Variants in NWD2 observed in about 807,000 individuals in gnomAD.
NWD2 encodes the protein NACHT and WD repeat domain-containing protein 2.
In NWD2, 37 loss-of-function variants were observed where a neutral mutation model predicts 132.7. The observed-to-expected ratio is 0.28, with a 90% confidence interval of 0.21 to 0.37. The LOEUF (loss-of-function observed/expected upper bound fraction) is 0.37, where lower values mean the gene tolerates loss of function less well. NWD2 is among the 10% of genes least tolerant of loss of function. The probability of loss-of-function intolerance (pLI) is 1.00; values close to 1 mark genes in which losing one functional copy is unlikely to be tolerated. For missense variants in NWD2, 1,592 were observed against 2,122.4 expected, an observed-to-expected ratio of 0.75 and a Z score of 4.91; for synonymous variants, 705 against 803.0, an observed-to-expected ratio of 0.88 and a Z score of 2.06.
At chr4:37,274,179 G>T (rs529769408) in intron 1 of NWD2, among the ~76,000 whole-genome samples, 1 of 151,708 alleles carries the variant, frequency 6.6e-6, no homozygotes, top group Non-Finnish European at 1.5e-5. Context: ...TTGATAGACC[G>T]CTAGCAAGAC....
At chr4:37,426,199 TTG>T (rs1174964077) in intron 3 of NWD2, among the ~76,000 whole-genome samples, 2 of 152,212 alleles carry the variant, frequency 1.3e-5, no homozygotes, top group East Asian at 3.8e-4. Flanking sequence ...AAATTCACTT[TTG>T]CTGTTTCTCA....
At chr4:37,365,529 C>T (rs1448630531) in intron 3 of NWD2, among the ~76,000 whole-genome samples, 1 of 152,158 alleles carries the variant, frequency 6.6e-6, no homozygotes, top group Non-Finnish European at 1.5e-5. Context: ...GTATTTTGCT[C>T]ATATAGTCCA....
chr4:37,304,174 A>T (rs191701661), intron 1 of NWD2, among the ~76,000 whole-genome samples: 1 of 152,210 alleles, frequency 6.6e-6, no homozygotes, highest in Non-Finnish European at 1.5e-5. Flanking sequence ...CACTTCATAC[A>T]TGGCTGGAAA....
chr4:37,404,481 T>G (rs1560413826), intron 3 of NWD2, among the ~76,000 whole-genome samples: 1 of 152,156 alleles, frequency 6.6e-6, no homozygotes, highest in African/African-American at 2.4e-5. Context: ...CCATCCACAG[T>G]CAACCTTCTG....
At chr4:37,293,106 CT>C (rs1280881636) in intron 1 of NWD2, among the ~76,000 whole-genome samples, 3 of 152,206 alleles carry the variant, frequency 2.0e-5, no homozygotes, top group Non-Finnish European at 4.4e-5. Context: ...AATGTTACCA[CT>C]TTCTTTTTCA....
intron 1 of NWD2, among the ~76,000 whole-genome samples, chr4:37,301,447 A>C (rs1718610354): frequency 6.6e-6 from 1 of 151,882 alleles, no homozygotes; most frequent in Admixed American, 6.6e-5. Flanking sequence ...TTTTTCTGGA[A>C]TTCAAAAGAT....
chr4:37,388,130 G>A (rs1377396281), intron 3 of NWD2, among the ~76,000 whole-genome samples: 1 of 152,062 alleles, frequency 6.6e-6, no homozygotes, highest in Non-Finnish European at 1.5e-5. Flanking sequence ...CTTGCGATGA[G>A]GATTCACTTA....
intron 1 of NWD2, among the ~76,000 whole-genome samples, chr4:37,247,288 C>T (rs1267768638): frequency 2.0e-5 from 3 of 152,192 alleles, no homozygotes; most frequent in Non-Finnish European, 1.5e-5. Flanking sequence ...CAGCACTTGA[C>T]CGTGGGATCT....
At chr4:37,380,406 A>G (rs904149762) in intron 3 of NWD2, among the ~76,000 whole-genome samples, 2 of 152,220 alleles carry the variant, frequency 1.3e-5, no homozygotes, top group Non-Finnish European at 2.9e-5. Context: ...TATCTGTTCT[A>G]TCATATAATG....
chr4:37,259,273 G>C (rs538862431), intron 1 of NWD2, among the ~76,000 whole-genome samples: 2 of 152,272 alleles, frequency 1.3e-5, no homozygotes, highest in Admixed American at 6.5e-5. Flanking sequence ...CAATTCTGCT[G>C]AAGTAAACAT....
chr4:37,361,040 T>C (rs965105579), intron 3 of NWD2, among the ~76,000 whole-genome samples: 2 of 152,150 alleles, frequency 1.3e-5, no homozygotes, highest in African/African-American at 4.8e-5. Context: ...CCTCAGGGAC[T>C]ATTATGAACA....
chr4:37,357,198 C>T (rs745543231), intron 3 of NWD2, among the ~76,000 whole-genome samples: 15 of 147,422 alleles, frequency 1.0e-4, no homozygotes, highest in Non-Finnish European at 1.2e-4. Context: ...TCCTACCAAT[C>T]GATAAGGGAA....
intron 3 of NWD2, among the ~76,000 whole-genome samples, chr4:37,381,395 C>G (rs756022605): frequency 1.3e-5 from 2 of 152,188 alleles, no homozygotes. Context: ...TTAACATCCC[C>G]AGGTTTGTCT....
intron 3 of NWD2, among the ~76,000 whole-genome samples, chr4:37,391,790 G>T (rs1259095648): frequency 6.6e-6 from 1 of 152,170 alleles, no homozygotes; most frequent in Non-Finnish European, 1.5e-5. Context: ...CACAAGTCCT[G>T]TGCCCTCCTG....
At chr4:37,287,870 T>C (rs1297440801) in intron 1 of NWD2, among the ~76,000 whole-genome samples, 3 of 152,226 alleles carry the variant, frequency 2.0e-5, no homozygotes, top group African/African-American at 7.2e-5. Context: ...CATATGTTTA[T>C]TGCAGCACTG....
intron 3 of NWD2, among the ~76,000 whole-genome samples, chr4:37,428,967 G>A (rs912818580): frequency 1.3e-5 from 2 of 152,094 alleles, no homozygotes; most frequent in African/African-American, 4.8e-5. Context: ...CCTGACCTGA[G>A]GTGATCTGCT....
chr4:37,406,429 C>T (rs1721044132), intron 3 of NWD2, among the ~76,000 whole-genome samples: 3 of 152,168 alleles, frequency 2.0e-5, no homozygotes, highest in African/African-American at 4.8e-5. Context: ...CCAGGAATCC[C>T]ATTACTAGGT....
At chr4:37,333,557 A>G (rs1300761674) in intron 2 of NWD2, among the ~76,000 whole-genome samples, 3 of 152,228 alleles carry the variant, frequency 2.0e-5, no homozygotes, top group Admixed American at 6.5e-5. Flanking sequence ...CCAAAAACCT[A>G]GATCACAAAC....
At chr4:37,356,034 A>G (rs1034332339) in intron 2 of NWD2, among the ~76,000 whole-genome samples, 3 of 152,158 alleles carry the variant, frequency 2.0e-5, no homozygotes, top group South Asian at 2.1e-4. Flanking sequence ...CTCAAGTACT[A>G]TGGTAACATC....
Sources: gnomAD v4.1 joint callset for allele counts (sites outside exome capture counted in the v4.1 genomes callset) on GRCh38, gnomAD v4.1.1 for gene constraint, MANE v1.5 for transcripts, NCBI Gene and HGNC (gene_info 2026-07-23, HGNC 2026-07-21) for gene names.